Variants in TRABD2A observed in about 807,000 individuals in gnomAD.
The protein encoded by TRABD2A is TraB domain containing 2A.
Under a neutral mutation model 45.6 loss-of-function variants are expected in TRABD2A, and 43 were observed. The ratio of observed to expected loss-of-function variants is 0.94; its 90% CI spans 0.74 to 1.22. TRABD2A has a LOEUF of 1.22. Among genes scored for constraint, TRABD2A ranks in the 50% most tolerant of loss-of-function variants. TRABD2A has a pLI of 0.00. For synonymous variants in TRABD2A, 269 were observed against 265.0 expected (o/e 1.02, Z -0.15); for missense variants, 642 against 652.4 (o/e 0.98, Z 0.17).
At position 84,870,410 on chromosome 2, in the gene TRABD2A, G is replaced by A. The variant is rs773422750; in HGVS notation, c.484C>T (p.Arg162Cys). 71 of 1,613,890 alleles carry A rather than the reference G, an allele frequency of 4.4e-5. No homozygotes were observed. The highest frequency in any genetic ancestry group is 1.1e-4 in the South Asian group (10 of 91,088). Residue 162 changes from arginine to cysteine, a missense_variant, in exon 2 of 7, where the codon CGC becomes TGC. Physicochemically the swap from Arg to Cys is radical, Grantham distance 180. Coordinates refer to ENST00000409520, the MANE Select transcript of TRABD2A (RefSeq NM_001277053.2). The part of the protein sequence containing the change: ...LFNAIAGNWE[R>C]KRPVWVMLMV... Reference sequence around the variant, plus strand: ...AGCATCACCCAGACAGGCCTCTTGCGCTCCCAGTTTCCGGCAATAGCATTG... The same window carrying A: ...AGCATCACCCAGACAGGCCTCTTGCACTCCCAGTTTCCGGCAATAGCATTG...
At chr2:84,829,827 C>T (rs796364332) in intron 5 of TRABD2A, among the ~76,000 whole-genome samples, 3 of 150,192 alleles carry the variant, frequency 2.0e-5, no homozygotes, top group African/African-American at 7.4e-5. Flanking sequence ...AGGTACCAAA[C>T]AACACACATA....
chr2:84,833,767 C>G (rs1681413394), intron 4 of TRABD2A: 1 of 150,598 alleles, frequency 6.6e-6, no homozygotes, highest in African/African-American at 2.4e-5. Context: ...CCCCTGGGCA[C>G]TTCGGGCATC....
chr2:84,853,083 T>C (rs375179053), intron 2 of TRABD2A, among the ~76,000 whole-genome samples: 98 of 151,992 alleles, frequency 6.4e-4, no homozygotes, highest in Middle Eastern at 3.4e-3. Context: ...TGCAGATATA[T>C]TTAAGTTAAG....
intron 4 of TRABD2A, chr2:84,838,388 T>C (rs1217565865): frequency 2.6e-5 from 16 of 604,182 alleles, no homozygotes; most frequent in Non-Finnish European, 4.2e-5. Context: ...AAAGTTGATT[T>C]TGACCATTTT....
intron 2 of TRABD2A, among the ~76,000 whole-genome samples, chr2:84,849,228 AC>A (rs938040483): frequency 4.6e-5 from 7 of 152,240 alleles, no homozygotes; most frequent in Admixed American, 3.9e-4. Context: ...GCAGAATTCT[AC>A]AGCTCAGTAT....
At chr2:84,877,760 C>G (rs1478606868) in intron 1 of TRABD2A, among the ~76,000 whole-genome samples, 1 of 152,218 alleles carries the variant, frequency 6.6e-6, no homozygotes, top group Non-Finnish European at 1.5e-5. Flanking sequence ...TGCAAGCTAA[C>G]TCCGTAACAC....
intron 3 of TRABD2A, among the ~76,000 whole-genome samples, chr2:84,839,696 A>G (rs935771681): frequency 1.3e-5 from 2 of 152,184 alleles, no homozygotes; most frequent in Non-Finnish European, 2.9e-5. Context: ...AAATAGTCTT[A>G]TATAGTTACA....
chr2:84,861,279 A>T (rs1682488871), intron 2 of TRABD2A, among the ~76,000 whole-genome samples: 1 of 152,186 alleles, frequency 6.6e-6, no homozygotes. Flanking sequence ...ACTTTGTAAT[A>T]TCTAATAAAA....
Position 84,848,550 on chromosome 2 carries a change from T to A in TRABD2A, c.670-6543A>T, listed in dbSNP as rs980551293. 2.0e-5 allele frequency among the ~76,000 whole-genome samples: 3 copies of A among 147,912 alleles called. 1 individual carries two copies. Among genetic ancestry groups the A allele is most frequent in the South Asian group, 2.1e-4 (1 of 4,788 alleles). On this transcript the variant is annotated intron_variant, in intron 2 of 6. Transcript: ENST00000409520. ...TAATTTATATTATATATTATATATT[T>A]TATATATATTACATATATAGAGAGA...
At chr2:84,880,231 C>A (rs192184039) in intron 1 of TRABD2A, among the ~76,000 whole-genome samples, 119 of 152,306 alleles carry the variant, frequency 7.8e-4, no homozygotes. Context: ...CAAGACCTGT[C>A]CGCTATAGAG....
At chr2:84,879,593 T>C (rs1683136487) in intron 1 of TRABD2A, 1 of 985,192 alleles carries the variant, frequency 1.0e-6, no homozygotes, top group African/African-American at 1.7e-5. Flanking sequence ...CCAGACTCAC[T>C]CGTCATAATT....
At chr2:84,861,599 G>A (rs1340173643) in intron 2 of TRABD2A, among the ~76,000 whole-genome samples, 2 of 152,178 alleles carry the variant, frequency 1.3e-5, no homozygotes, top group Non-Finnish European at 2.9e-5. Flanking sequence ...CGTGGTGATT[G>A]GGGACCCCTG....
In TRABD2A at chr2:84,830,700, C is replaced by T. The variant is rs1681301990; in HGVS notation, c.1082+1355G>A. Among the ~76,000 whole-genome samples the T allele has an allele frequency of 6.6e-6, 1 of 152,098 alleles. No homozygotes were observed. Among genetic ancestry groups the T allele is most frequent in the Admixed American group, 6.5e-5 (1 of 15,276 alleles). ...GTGAAGGGCGGTCAGTATTGACATACTGAATACAGGGCATGAAGACAGGTG... is the reference window on the plus strand; with the variant it reads ...GTGAAGGGCGGTCAGTATTGACATATTGAATACAGGGCATGAAGACAGGTG... On this transcript the variant is annotated intron_variant, in intron 5 of 6. Transcript: ENST00000409520. This position sits in a 1 kb window ranked among gnomAD's most constrained non-coding sequence, Gnocchi z 4.9.
At chr2:84,867,421 T>C (rs554742868) in intron 2 of TRABD2A, among the ~76,000 whole-genome samples, 1 of 152,306 alleles carries the variant, frequency 6.6e-6, no homozygotes, top group South Asian at 2.1e-4. Flanking sequence ...TTACACCTTA[T>C]ACAAAAATTA....
intron 2 of TRABD2A, among the ~76,000 whole-genome samples, chr2:84,848,337 G>GATAGATAC (rs1681969567): frequency 3.2e-5 from 2 of 62,266 alleles, no homozygotes; most frequent in Non-Finnish European, 7.5e-5. Context: ...ATGATAGATA[G>GATAGATAC]ATAGATAGAT....
intron 3 of TRABD2A, among the ~76,000 whole-genome samples, chr2:84,840,709 C>T (rs1028530246): frequency 6.6e-6 from 1 of 152,202 alleles, no homozygotes; most frequent in African/African-American, 2.4e-5. Context: ...CTCCCCCCTT[C>T]CCTACCCTCA....
rs559303798 is a variant in TRABD2A, at chr2:84,828,765, A to G, written c.1082+3290T>C. Among the ~76,000 whole-genome samples the G allele has an allele frequency of 3.9e-5, 6 of 152,360 alleles. No individual in the cohort carries two copies. In the South Asian group the frequency reaches 6.2e-4, roughly 16 times the overall value. ...CAGGATAGGTACTCCTGGAAATCCAATTTTGAAAATTAGATCCTTGTCCGG... is the reference window on the plus strand; with the variant it reads ...CAGGATAGGTACTCCTGGAAATCCAGTTTTGAAAATTAGATCCTTGTCCGG... On this transcript the variant is annotated intron_variant, in intron 5 of 6. Coordinates refer to ENST00000409520, the MANE Select transcript of TRABD2A (RefSeq NM_001277053.2).
Position 84,830,908 on chromosome 2 carries a change from G to C in TRABD2A, c.1082+1147C>G, listed in dbSNP as rs892019715. Reference sequence around the variant, plus strand: ...ACAACTGCTGGATCCTCTGCCAGGGGATGGGCATTTGCATCCTGGAACTCT... The same window carrying C: ...ACAACTGCTGGATCCTCTGCCAGGGCATGGGCATTTGCATCCTGGAACTCT... On this transcript the variant is annotated intron_variant, in intron 5 of 6. Coordinates refer to ENST00000409520, the MANE Select transcript of TRABD2A (RefSeq NM_001277053.2). This position sits in a 1 kb window ranked among gnomAD's most constrained non-coding sequence, Gnocchi z 4.9. 1.3e-5 allele frequency among the ~76,000 whole-genome samples: 2 copies of C among 152,168 alleles called. No individual in the cohort carries two copies. Among genetic ancestry groups the C allele is most frequent in the Non-Finnish European group, 2.9e-5 (2 of 68,020 alleles).
chr2:84,850,753 G>C (rs764934785), intron 2 of TRABD2A: 1 of 152,264 alleles, frequency 6.6e-6, no homozygotes, highest in Admixed American at 6.5e-5. Flanking sequence ...CAAGGAAGGA[G>C]AGTGTTTGAG....
Sources: allele counts gnomAD v4.1 joint callset (sites outside exome capture counted in the v4.1 genomes callset), GRCh38; gene constraint gnomAD v4.1.1; non-coding constraint Gnocchi (gnomAD v3.1); transcripts MANE v1.5; gene names NCBI Gene and HGNC (gene_info 2026-07-23, HGNC 2026-07-21).